The following TMEFF2 variants were observed in gnomAD, a reference collection of about 807,000 sequenced individuals.
The protein encoded by TMEFF2 is tomoregulin-2.
Under a neutral mutation model 53.8 loss-of-function variants are expected in TMEFF2, and 28 were observed. The ratio of observed to expected loss-of-function variants is 0.52; its 90% confidence interval spans 0.39 to 0.71. The LOEUF is 0.71. Among genes scored for constraint, TMEFF2 ranks in the 30% least tolerant of loss-of-function variants. The probability of loss-of-function intolerance (pLI) is 0.00; values close to 1 mark genes in which losing one functional copy is unlikely to be tolerated. For missense variants in TMEFF2, 353 were observed against 455.2 expected, an observed-to-expected ratio of 0.78 and a Z score of 2.04; for synonymous variants, 162 against 166.3, an observed-to-expected ratio of 0.97 and a Z score of 0.20.
intron 2 of TMEFF2, 120 bp downstream of exon 2, chr2:192,191,760 G>T: frequency 1.5e-6 from 1 of 646,242 alleles, no homozygotes; most frequent in Non-Finnish European, 2.6e-6. Context: ...ACTTTTGCTT[G>T]GTGCCAGCTT....
chr2:192,067,338 G>T (rs143604417), intron 4 of TMEFF2, among the ~76,000 whole-genome samples: 54 of 151,930 alleles, frequency 3.6e-4, no homozygotes, highest in African/African-American at 1.3e-3. Flanking sequence ...CCTGGAGGAA[G>T]AGGGATGGCA....
Position 191,963,753 on chromosome 2 carries a change from C to T in TMEFF2, c.746-7375G>A, listed in dbSNP as rs374302443. ...TCCATACGCTAAAGCTATTGGTTGT[C>T]GCTCAGTGATTTTGCTTATTATCTT... On this transcript the variant is annotated intron_variant, in intron 7 of 9. Coordinates refer to ENST00000272771, the MANE Select transcript of TMEFF2 (RefSeq NM_016192.4). 5.5e-4 allele frequency among the ~76,000 whole-genome samples: 84 copies of T among 152,246 alleles called. No homozygotes were observed. In the South Asian group the frequency reaches 0.015, roughly 28 times the overall value.
intron 5 of TMEFF2, among the ~76,000 whole-genome samples, chr2:192,042,664 T>C (rs1687514298): frequency 6.6e-6 from 1 of 152,218 alleles, no homozygotes; most frequent in South Asian, 2.1e-4. Flanking sequence ...TAATATTGCA[T>C]TTAATATTGC....
chr2:191,972,456 C>A (rs1461153922), intron 7 of TMEFF2, among the ~76,000 whole-genome samples: 2 of 151,612 alleles, frequency 1.3e-5, no homozygotes, highest in Non-Finnish European at 2.9e-5. Flanking sequence ...AACCACTGTG[C>A]CTGACCTAGT....
At chr2:191,989,626 T>C (rs1367278197) in intron 7 of TMEFF2, among the ~76,000 whole-genome samples, 1 of 152,088 alleles carries the variant, frequency 6.6e-6, no homozygotes, top group Non-Finnish European at 1.5e-5. Context: ...AATTTAGATA[T>C]CTGAGTCCAC....
intron 4 of TMEFF2, among the ~76,000 whole-genome samples, chr2:192,132,232 C>T (rs948789220): frequency 1.3e-5 from 2 of 152,242 alleles, no homozygotes; most frequent in African/African-American, 2.4e-5. Flanking sequence ...AGCCCTCCCC[C>T]ACCTGCCCAG....
At position 192,134,053 on chromosome 2, in the gene TMEFF2, T is replaced by A. The variant is rs538939707; in HGVS notation, c.439+45615A>T. Among the ~76,000 whole-genome samples the A allele has an allele frequency of 1.5e-3, 227 of 152,344 alleles. 1 individual carries two copies. The highest frequency in any genetic ancestry group is 2.0e-3 in the Non-Finnish European group (138 of 68,034). Reference sequence around the variant, plus strand: ...TTACTGTTTTAGCCTAGCCATCATGTCTGCGTGCAGCGGCTGCCACTGCTT... The same window carrying A: ...TTACTGTTTTAGCCTAGCCATCATGACTGCGTGCAGCGGCTGCCACTGCTT... On this transcript the variant is annotated intron_variant, in intron 4 of 9. Transcript: ENST00000272771.
chr2:192,151,403 C>T (rs1574417447), intron 4 of TMEFF2, among the ~76,000 whole-genome samples: 1 of 151,776 alleles, frequency 6.6e-6, no homozygotes, highest in Non-Finnish European at 1.5e-5. Flanking sequence ...ATCACCATGG[C>T]TGTAGTATGT....
At chr2:192,085,414 T>C (rs1343661769) in intron 4 of TMEFF2, among the ~76,000 whole-genome samples, 1 of 152,132 alleles carries the variant, frequency 6.6e-6, no homozygotes, top group Non-Finnish European at 1.5e-5. Context: ...CCCTGGCATT[T>C]TCTGCACATC....
intron 4 of TMEFF2, among the ~76,000 whole-genome samples, chr2:192,139,917 A>G (rs1690096835): frequency 6.6e-6 from 1 of 152,178 alleles, no homozygotes; most frequent in African/African-American, 2.4e-5. Flanking sequence ...GGTAGCTTTC[A>G]TCCTTGGCTC....
At chr2:192,131,482 G>A (rs991565538) in intron 4 of TMEFF2, among the ~76,000 whole-genome samples, 3 of 151,930 alleles carry the variant, frequency 2.0e-5, no homozygotes, top group African/African-American at 7.3e-5. Flanking sequence ...CACTTTTCTA[G>A]GGGGCAAGAA....
chr2:192,083,871 G>A (rs1394570017), intron 4 of TMEFF2, among the ~76,000 whole-genome samples: 11 of 151,854 alleles, frequency 7.2e-5, no homozygotes, highest in African/African-American at 2.4e-4. Flanking sequence ...AGAGTTAGAT[G>A]GTGTTGCAGG....
At chr2:192,001,660 C>A (rs1326566787) in intron 5 of TMEFF2, among the ~76,000 whole-genome samples, 1 of 152,102 alleles carries the variant, frequency 6.6e-6, no homozygotes, top group Non-Finnish European at 1.5e-5. Context: ...ATTTCCCTTG[C>A]TGTTCTCATG....
chr2:192,136,543 G>A (rs562301319), intron 4 of TMEFF2, among the ~76,000 whole-genome samples: 1 of 152,078 alleles, frequency 6.6e-6, no homozygotes, highest in Non-Finnish European at 1.5e-5. Context: ...TTTAAATTGA[G>A]TGTATAGTAG....
chr2:192,032,739 A>G (rs1205257292), intron 5 of TMEFF2: 1 of 152,236 alleles, frequency 6.6e-6, no homozygotes, highest in African/African-American at 2.4e-5. Flanking sequence ...CTTATCAGCC[A>G]TAGGACATAG....
intron 7 of TMEFF2, among the ~76,000 whole-genome samples, chr2:191,958,771 G>A (rs1692181477): frequency 6.6e-6 from 1 of 152,128 alleles, no homozygotes. Flanking sequence ...ATAGGATACT[G>A]TCAAATAAGA....
At chr2:192,162,482 T>C (rs1690657709) in intron 4 of TMEFF2, among the ~76,000 whole-genome samples, 1 of 152,194 alleles carries the variant, frequency 6.6e-6, no homozygotes, top group Admixed American at 6.5e-5. Flanking sequence ...GTTTAACTTT[T>C]CAACAGGGGG....
chr2:191,978,908 A>G (rs550301561), intron 7 of TMEFF2, among the ~76,000 whole-genome samples: 3 of 152,280 alleles, frequency 2.0e-5, no homozygotes, highest in African/African-American at 7.2e-5. Context: ...ATACCAGGGC[A>G]CCTCGTCTCC....
At chr2:192,154,674 CT>C (rs1690465230) in intron 4 of TMEFF2, among the ~76,000 whole-genome samples, 1 of 151,942 alleles carries the variant, frequency 6.6e-6, no homozygotes, top group Non-Finnish European at 1.5e-5. Context: ...CAGGTACGTT[CT>C]TTTCTCTCTT....
Sources: gnomAD v4.1 joint callset for allele counts (sites outside exome capture counted in the v4.1 genomes callset) on GRCh38, gnomAD v4.1.1 for gene constraint, MANE v1.5 for transcripts, NCBI Gene and HGNC (gene_info 2026-07-23, HGNC 2026-07-21) for gene names.